The following MRGPRX3 variants were observed in gnomAD, a reference collection of about 807,000 sequenced individuals.
MRGPRX3 encodes MAS related GPR family member X3.
A neutral mutation model predicts 16.5 loss-of-function variants in MRGPRX3; 14 were observed. That is an observed-to-expected ratio of 0.85 (90% CI 0.56 to 1.33). The LOEUF is 1.33. MRGPRX3 is among the 40% of genes most tolerant of loss of function. The pLI, the probability that MRGPRX3 is intolerant of heterozygous loss-of-function variation, is 0.00. For missense variants in MRGPRX3, 449 were observed against 413.0 expected, an observed-to-expected ratio of 1.09 and a Z score of -0.76; for synonymous variants, 199 against 180.1, an observed-to-expected ratio of 1.10 and a Z score of -0.84.
intron 1 of MRGPRX3, 52 bp from the exon 2 acceptor site, chr11:18,137,126 G>A (rs371304492): frequency 4.0e-6 from 6 of 1,502,136 alleles, no homozygotes; most frequent in South Asian, 1.3e-5. Flanking sequence ...CAGGGTGGTG[G>A]GGAGAATCAG....
chr11:18,127,886 C>T (rs941958725), upstream of MRGPRX3, among the ~76,000 whole-genome samples: 8 of 149,228 alleles, frequency 5.4e-5, no homozygotes, highest in Non-Finnish European at 1.0e-4. Context: ...TCTGTTTTTT[C>T]CCCATCTTTG....
rs745401955 is a variant in MRGPRX3 at position 18,137,600 on chromosome 11, G to A, written c.398G>A (p.Arg133His). 1.2e-5 allele frequency: 20 copies of A among 1,613,976 alleles called. No individual in the cohort carries two copies. The highest frequency in any genetic ancestry group is 2.7e-5 in the African/African-American group (2 of 74,886). Reference sequence around the variant, plus strand: ...CTGTGGCCCATCTGGTACCACTGCCGCCGCCCCAGATACCTGTCATCAGTC... The same window carrying A: ...CTGTGGCCCATCTGGTACCACTGCCACCGCCCCAGATACCTGTCATCAGTC... Reference protein sequence around the residue: ...SILWPIWYHCRRPRYLSSVMC... With the variant: ...SILWPIWYHCHRPRYLSSVMC... Residue 133 changes from arginine (R) to histidine (H), a missense_variant, in exon 2 of 2, where the codon CGC becomes CAC. Coordinates refer to ENST00000621697, the MANE Select transcript of MRGPRX3 (RefSeq NM_001370464.1).
chr11:18,124,995 T>A (rs1848877875), intron 1 of MRGPRX3, among the ~76,000 whole-genome samples: 1 of 152,240 alleles, frequency 6.6e-6, no homozygotes, highest in Non-Finnish European at 1.5e-5. Flanking sequence ...TATAGTATTC[T>A]CTGATGGTAG....
chr11:18,129,821 G>C (rs1171249452), upstream of MRGPRX3, among the ~76,000 whole-genome samples: 5 of 152,190 alleles, frequency 3.3e-5, no homozygotes, highest in African/African-American at 1.2e-4. Context: ...ATATCAAGAA[G>C]ATAATCCACC....
upstream of MRGPRX3, among the ~76,000 whole-genome samples, chr11:18,132,052 A>G (rs954024475): frequency 2.5e-4 from 38 of 152,200 alleles, no homozygotes; most frequent in Non-Finnish European, 2.1e-4. Context: ...CAAAATCCCA[A>G]TGAAATAAAA....
At chr11:18,134,705 T>C (rs1848993189) in intron 1 of MRGPRX3, among the ~76,000 whole-genome samples, 1 of 152,216 alleles carries the variant, frequency 6.6e-6, no homozygotes. Flanking sequence ...CTCATCCTTG[T>C]GATCCTACAT....
chr11:18,137,679 GT>G lies in MRGPRX3; in HGVS notation c.479del (p.Phe160SerfsTer52). ...TGCTGCGGAGTATCCTGGAGTGGAT[GT>G]TCTGTGACTTCCTGTTTAGTGGTGC... ...SLLRSILEWM[F>X]CDFLFSGANS... On this transcript the variant is annotated frameshift_variant, in exon 2 of 2. Transcript: ENST00000621697. LOFTEE classifies it high-confidence loss of function. 1.9e-6 allele frequency: 3 copies of G among 1,614,120 alleles called. No homozygotes were observed. Among genetic ancestry groups the G allele is most frequent in the Non-Finnish European group, 2.5e-6 (3 of 1,180,026 alleles).
Position 18,138,138 on chromosome 11 carries a change from C to G in MRGPRX3, c.936C>G (p.Thr312=). The G allele has an allele frequency of 6.2e-7, 1 of 1,613,330 alleles. No individual in the cohort carries two copies. Among genetic ancestry groups the G allele is most frequent in the Non-Finnish European group, 8.5e-7 (1 of 1,179,644 alleles). The change falls in exon 2 of 2, where the codon ACC becomes ACG. Residue 312 remains threonine (T), a synonymous_variant. Coordinates refer to ENST00000621697, the MANE Select transcript of MRGPRX3 (RefSeq NM_001370464.1). ...DEGGGWLPQE[T]LELSGSRLEQ The stretch of plus-strand genomic sequence containing the variant: ...GTGGAGGGTGGCTTCCTCAGGAAAC[C>G]CTGGAGCTGTCGGGAAGCAGATTGG...
chr11:18,128,241 A>C (rs1446800188), upstream of MRGPRX3, among the ~76,000 whole-genome samples: 1 of 152,220 alleles, frequency 6.6e-6, no homozygotes, highest in Admixed American at 6.5e-5. Flanking sequence ...TCACTTGAGG[A>C]GGCAGTCTGC....
chr11:18,136,399 T>C (rs1242506348), intron 1 of MRGPRX3, among the ~76,000 whole-genome samples: 1 of 152,188 alleles, frequency 6.6e-6, no homozygotes, highest in African/African-American at 2.4e-5. Flanking sequence ...CAGTGGTCAA[T>C]TTCAGGTTTT....
At chr11:18,129,401 G>A (rs1325730066), upstream of MRGPRX3, among the ~76,000 whole-genome samples, 1 of 152,160 alleles carries the variant, frequency 6.6e-6, no homozygotes, top group Non-Finnish European at 1.5e-5. Flanking sequence ...CAAGACTATT[G>A]TGATCACCTT....
intron 1 of MRGPRX3, among the ~76,000 whole-genome samples, chr11:18,121,473 C>G (rs1207854294): frequency 2.0e-5 from 3 of 151,646 alleles, no homozygotes; most frequent in Admixed American, 1.3e-4. Context: ...GCCCCCCGCC[C>G]GGCCAGCCGC....
intron 1 of MRGPRX3, among the ~76,000 whole-genome samples, chr11:18,134,011 C>G (rs892435786): frequency 1.3e-5 from 2 of 152,168 alleles, no homozygotes; most frequent in Admixed American, 1.3e-4. Context: ...GAGACTATCC[C>G]TCTCACCTTC....
intron 1 of MRGPRX3, among the ~76,000 whole-genome samples, chr11:18,133,957 C>G (rs1359011342): frequency 1.3e-5 from 2 of 152,128 alleles, no homozygotes; most frequent in Non-Finnish European, 2.9e-5. Context: ...CTTGGGATGT[C>G]AAACAGGATA....
chr11:18,124,250 C>T (rs1209950287), intron 1 of MRGPRX3, among the ~76,000 whole-genome samples: 1 of 152,202 alleles, frequency 6.6e-6, no homozygotes, highest in East Asian at 1.9e-4. Flanking sequence ...TGAGAGAGGG[C>T]ATCCCTGTCT....
intron 1 of MRGPRX3, among the ~76,000 whole-genome samples, chr11:18,135,354 AG>A (rs1590307411): frequency 6.6e-6 from 1 of 152,296 alleles, no homozygotes; most frequent in East Asian, 1.9e-4. Flanking sequence ...TAGTGCTCTG[AG>A]TGTGGATAAC....
chr11:18,132,820 G>A (rs1043621013), intron 1 of MRGPRX3, 81 bp downstream of exon 1: 2 of 152,216 alleles, frequency 1.3e-5, no homozygotes, highest in African/African-American at 2.4e-5. Flanking sequence ...CCACCTTGGT[G>A]CTACATGCAG....
chr11:18,121,520 C>T (rs11024496), intron 1 of MRGPRX3, among the ~76,000 whole-genome samples: 27,972 of 151,834 alleles, frequency 0.18, 2,705 homozygotes, highest in Non-Finnish European at 0.23. Flanking sequence ...TCATTGAGAA[C>T]GGGCCAGGAT....
rs770129680 is a variant in MRGPRX3 at position 18,137,665 on chromosome 11, A to C, written c.463A>C (p.Ile155Leu). ...LLWALSLLRS[I>L]LEWMFCDFLF... is the part of the protein sequence containing the mutation. ...CTGGGCCCTGTCCCTGCTGCGGAGT[A>C]TCCTGGAGTGGATGTTCTGTGACTT... The change falls in exon 2 of 2, where the codon ATC becomes CTC. Residue 155 changes from isoleucine (I) to leucine (L), a missense_variant. Physicochemically the swap from Ile to Leu is conservative, Grantham distance 5 (BLOSUM62 2). Coordinates refer to ENST00000621697, the MANE Select transcript of MRGPRX3 (RefSeq NM_001370464.1). 2.8e-5 allele frequency: 45 copies of C among 1,613,978 alleles called. No homozygotes were observed. The highest frequency in any genetic ancestry group is 3.6e-5 in the Non-Finnish European group (43 of 1,180,032).
Sources: allele counts gnomAD v4.1 joint callset (sites outside exome capture counted in the v4.1 genomes callset), GRCh38; gene constraint gnomAD v4.1.1; transcripts MANE v1.5; gene names NCBI Gene and HGNC (gene_info 2026-07-23, HGNC 2026-07-21).